Variants in OSBPL9 observed in about 807,000 individuals in gnomAD.
OSBPL9 encodes the protein oxysterol-binding protein-related protein 9.
A neutral mutation model predicts 106.6 loss-of-function variants in OSBPL9; 40 were observed. That is an observed-to-expected ratio of 0.38 (90% CI 0.29 to 0.49). OSBPL9 has a LOEUF of 0.49. Among genes scored for constraint, OSBPL9 ranks in the 20% least tolerant of loss-of-function variants. The probability of loss-of-function intolerance (pLI) is 0.97; values close to 1 mark genes in which losing one functional copy is unlikely to be tolerated. For missense variants in OSBPL9, 609 were observed against 887.2 expected (o/e 0.69, Z 3.98); for synonymous variants, 269 against 295.4 (o/e 0.91, Z 0.92).
the OSBPL9 span, among the ~76,000 whole-genome samples, chr1:51,520,077 G>T: frequency 6.6e-6 from 1 of 152,098 alleles, no homozygotes; most frequent in African/African-American, 2.4e-5. Flanking sequence ...TCTTCCTTAT[G>T]TCAGAGTTAC....
intron 8 of OSBPL9, among the ~76,000 whole-genome samples, chr1:51,753,838 A>G (rs1448982129): frequency 6.6e-6 from 1 of 152,186 alleles, no homozygotes; most frequent in Non-Finnish European, 1.5e-5. Context: ...TCATTTGGAA[A>G]TCAGTTCTGA....
intron 22 of OSBPL9, 102 bp from the exon 23 acceptor site, chr1:51,787,251 C>T: frequency 1.7e-6 from 2 of 1,148,580 alleles, no homozygotes; most frequent in South Asian, 1.4e-5. Context: ...TAGTCTGTGA[C>T]CTACAGCACT....
At chr1:51,730,175 G>A (rs1664062313) in intron 4 of OSBPL9, 8 of 1,239,218 alleles carry the variant, frequency 6.5e-6, no homozygotes, top group Non-Finnish European at 7.1e-6. Flanking sequence ...GGAGTTCTCA[G>A]TTCCTCAGCC....
chr1:51,662,630 A>G (rs1226099390), intron 2 of OSBPL9, among the ~76,000 whole-genome samples: 1 of 152,170 alleles, frequency 6.6e-6, no homozygotes, highest in East Asian at 1.9e-4. Flanking sequence ...ATTCACAGCA[A>G]CTTAATCGAG....
chr1:51,676,165 A>G (rs367937055), intron 3 of OSBPL9, among the ~76,000 whole-genome samples: 10 of 152,284 alleles, frequency 6.6e-5, no homozygotes, highest in South Asian at 4.1e-4. Context: ...CAGAAAAGGA[A>G]TTAAGAGGCC....
intron 1 of OSBPL9, among the ~76,000 whole-genome samples, chr1:51,636,153 T>TTG (rs2148663886): frequency 1.0e-5 from 1 of 100,484 alleles, no homozygotes; most frequent in East Asian, 2.7e-4. Context: ...CTCTCTCTTG[T>TTG]TTTTTTTTTT....
intron 2 of OSBPL9, among the ~76,000 whole-genome samples, chr1:51,602,015 G>GTTTTTTTTT (rs1266396456): frequency 1.8e-4 from 3 of 16,312 alleles, no homozygotes; most frequent in South Asian, 2.5e-3. Context: ...CATTCTTGGG[G>GTTTTTTTTT]TTCTTTTTTT....
At chr1:51,706,322 G>A (rs1004711444) in intron 3 of OSBPL9, among the ~76,000 whole-genome samples, 3 of 152,106 alleles carry the variant, frequency 2.0e-5, no homozygotes, top group African/African-American at 7.2e-5. Flanking sequence ...GGTAGTTTTG[G>A]TAAATTGTAT....
intron 4 of OSBPL9, 48 bp downstream of exon 4, chr1:51,714,127 C>CT: frequency 1.5e-6 from 2 of 1,348,598 alleles, no homozygotes; most frequent in African/African-American, 1.5e-5. Flanking sequence ...TTGTTGCTTT[C>CT]TTTTTTTGTC....
At chr1:51,528,308 T>A in the OSBPL9 span, among the ~76,000 whole-genome samples, 1 of 152,172 alleles carries the variant, frequency 6.6e-6, no homozygotes, top group African/African-American at 2.4e-5. Context: ...TTGGAATAAA[T>A]GAGTTCAGCA....
intron 4 of OSBPL9, chr1:51,740,289 A>G (rs1666619464): frequency 1.4e-6 from 2 of 1,385,352 alleles, no homozygotes; most frequent in South Asian, 3.4e-5. Context: ...GTCATCTCAA[A>G]TTGCTAATTG....
intron 2 of OSBPL9, among the ~76,000 whole-genome samples, chr1:51,657,958 A>C (rs1161831589): frequency 4.0e-5 from 6 of 151,684 alleles, no homozygotes; most frequent in Non-Finnish European, 8.8e-5. Context: ...AAATGAACAA[A>C]ATTGGCTGGG....
chr1:51,590,250 A>T (rs1031829475), intron 1 of OSBPL9, among the ~76,000 whole-genome samples: 1 of 152,160 alleles, frequency 6.6e-6, no homozygotes, highest in Non-Finnish European at 1.5e-5. Context: ...AGCAGAGGCC[A>T]TTCAAATTAC....
At chr1:51,718,526 G>A (rs1331934064) in intron 4 of OSBPL9, among the ~76,000 whole-genome samples, 1 of 152,050 alleles carries the variant, frequency 6.6e-6, no homozygotes, top group Non-Finnish European at 1.5e-5. Context: ...ATCACCTTTA[G>A]AATTTCTTGT....
intron 4 of OSBPL9, among the ~76,000 whole-genome samples, chr1:51,734,110 A>G (rs572892991): frequency 6.6e-6 from 1 of 152,324 alleles, no homozygotes; most frequent in South Asian, 2.1e-4. Context: ...TGTGTCATGA[A>G]TGAATGGTTT....
In OSBPL9 at chr1:51,748,390, A is replaced by G; in HGVS notation, c.484A>G (p.Thr162Ala). 1.3e-6 allele frequency: 2 copies of G among 1,521,046 alleles called. No homozygotes were observed. Among genetic ancestry groups the G allele is most frequent in the South Asian group, 1.3e-5 (1 of 74,850 alleles). 94.2% of individuals were successfully genotyped at this position (1,521,046 alleles called of 1,614,324 possible). Residue 162 changes from threonine (T) to alanine (A), a missense_variant, in exon 7 of 24, where the codon ACA becomes GCA. Physicochemically the swap from Thr to Ala is moderately conservative, Grantham distance 58. Around this residue, in one of 5 missense-constraint regions of OSBPL9, gnomAD observed 356 missense variants for 505.8 expected, o/e 0.70. Coordinates refer to ENST00000428468, the MANE Select transcript of OSBPL9 (RefSeq NM_024586.6). ...QRKKIETLKE[T>A]TNSMVESIKH... ...ACAGAAAATTGAAACTCTCAAAGAG[A>G]CAACAAATGTAAGTTATATGTTTGA... is the stretch of plus-strand genomic sequence containing the variant.
chr1:51,548,246 T>C, the OSBPL9 span, among the ~76,000 whole-genome samples: 35 of 152,244 alleles, frequency 2.3e-4, no homozygotes, highest in African/African-American at 7.7e-4. Context: ...AATTTCTTTT[T>C]GTTTGGTTTG....
upstream of OSBPL9, among the ~76,000 whole-genome samples, chr1:51,613,782 C>CCTAG (rs1644005772): frequency 6.6e-6 from 1 of 151,122 alleles, no homozygotes; most frequent in Non-Finnish European, 1.5e-5. Context: ...TGTTGCCTTG[C>CCTAG]CTAGGCTGGA....
In OSBPL9 at chr1:51,730,073, G is replaced by T. The variant is rs1465470321; in HGVS notation, c.319-15463G>T. The T allele has an allele frequency of 4.7e-6, 6 of 1,270,384 alleles. No individual in the cohort carries two copies. The African/African-American group carries it at 7.7e-5, about 16-fold the overall frequency. The allele number at this position is 1,270,384 out of a possible 1,614,324, so 78.7% of individuals were successfully genotyped here. The stretch of plus-strand genomic sequence containing the variant: ...GAGTCCCCGGGGTCCCGGCCGCCAG[G>T]CCGGAGCGCGAATGTCGTGCTCACC... On this transcript the variant is annotated intron_variant, in intron 4 of 23. Transcript: ENST00000428468.
Sources: allele counts gnomAD v4.1 joint callset (sites outside exome capture counted in the v4.1 genomes callset), GRCh38; gene constraint gnomAD v4.1.1; regional missense constraint gnomAD v4.1.1; transcripts MANE v1.5; gene names NCBI Gene and HGNC (gene_info 2026-07-23, HGNC 2026-07-21).